CNTNAP2: variants seen among roughly 807,000 people sequenced by gnomAD.
CNTNAP2 encodes contactin associated protein 2, also known as contactin-associated protein-like 2.
Under a neutral mutation model 155.2 loss-of-function variants are expected in CNTNAP2, and 98 were observed. The ratio of observed to expected loss-of-function variants is 0.63; its 90% CI spans 0.54 to 0.75. The LOEUF (loss-of-function observed/expected upper bound fraction) is 0.75, where lower values mean the gene tolerates loss of function less well. Ranked by LOEUF, CNTNAP2 falls within the 30% of genes least tolerant of loss-of-function variation. The pLI is 0.00. For synonymous variants in CNTNAP2, 651 were observed against 631.2 expected (o/e 1.03, Z -0.47); for missense variants, 1,727 against 1,688.1 (o/e 1.02, Z -0.40).
At chr7:146,631,555 C>T (rs1799511586) in intron 1 of CNTNAP2, among the ~76,000 whole-genome samples, 1 of 152,132 alleles carries the variant, frequency 6.6e-6, no homozygotes, top group Admixed American at 6.5e-5. Flanking sequence ...CAAATGACCC[C>T]AGGTTCTTCA....
At chr7:147,268,079 A>G (rs2116698696) in intron 8 of CNTNAP2, among the ~76,000 whole-genome samples, 1 of 152,300 alleles carries the variant, frequency 6.6e-6, no homozygotes, top group South Asian at 2.1e-4. Flanking sequence ...ATTCACCTTA[A>G]TAAGAAAGGT....
intron 3 of CNTNAP2, among the ~76,000 whole-genome samples, chr7:146,860,813 A>G (rs1252702460): frequency 2.0e-5 from 3 of 151,958 alleles, no homozygotes; most frequent in African/African-American, 7.2e-5. Context: ...TATGTATACC[A>G]GGGTCTTAAG....
At chr7:147,469,666 C>CGCCACCGAGTAGCTGGGACTACAGGCGCG (rs1798181817) in intron 10 of CNTNAP2, among the ~76,000 whole-genome samples, 1 of 150,708 alleles carries the variant, frequency 6.6e-6, no homozygotes, top group Non-Finnish European at 1.5e-5. Context: ...CTACAGGCGC[C>CGCCACCGAGTAGCTGGGACTACAGGCGCG]CGCCACCACG....
intron 1 of CNTNAP2, among the ~76,000 whole-genome samples, chr7:146,508,959 A>G (rs796632904): frequency 3.0e-4 from 45 of 151,242 alleles, no homozygotes; most frequent in African/African-American, 1.1e-3. Flanking sequence ...TATGGCATAG[A>G]CTCCTCTGCT....
intron 1 of CNTNAP2, among the ~76,000 whole-genome samples, chr7:146,308,430 G>A (rs1190697564): frequency 6.6e-6 from 1 of 152,004 alleles, no homozygotes; most frequent in East Asian, 1.9e-4. Flanking sequence ...CGATTCCTCA[G>A]GGATCTAGAA....
At chr7:147,279,560 G>A (rs1304193528) in intron 8 of CNTNAP2, among the ~76,000 whole-genome samples, 1 of 151,570 alleles carries the variant, frequency 6.6e-6, no homozygotes, top group African/African-American at 2.4e-5. Context: ...TCATTGTCTT[G>A]ACATAGTAAG....
chr7:146,225,197 GA>G lies in CNTNAP2; in HGVS notation c.97+108231del, dbSNP rs554875853. ...AGCAGTGAAACAAACTGAACAAGCA[GA>G]AAAAAATATAACTCGAAACACTGAT... On this transcript the variant is annotated intron_variant, in intron 1 of 23. Coordinates refer to ENST00000361727, the MANE Select transcript of CNTNAP2 (RefSeq NM_014141.6). 5.5e-3 allele frequency among the ~76,000 whole-genome samples: 831 copies of G among 151,980 alleles called. 5 individuals are homozygous for G. The highest frequency in any genetic ancestry group is 0.019 in the African/African-American group (792 of 41,452).
chr7:146,814,099 A>T (rs1202733813), intron 2 of CNTNAP2, among the ~76,000 whole-genome samples: 1 of 152,206 alleles, frequency 6.6e-6, no homozygotes, highest in Non-Finnish European at 1.5e-5. Context: ...TAGCAGCATA[A>T]GAACTGACTA....
chr7:147,785,893 G>A (rs1322864253), intron 13 of CNTNAP2, among the ~76,000 whole-genome samples: 1 of 152,142 alleles, frequency 6.6e-6, no homozygotes. Context: ...TTGGAAGGCT[G>A]AGGCAGGAGA....
At chr7:148,325,410 CT>C (rs974846402) in intron 21 of CNTNAP2, among the ~76,000 whole-genome samples, 1 of 152,204 alleles carries the variant, frequency 6.6e-6, no homozygotes, top group Non-Finnish European at 1.5e-5. Flanking sequence ...GTTTGTCTAA[CT>C]TAAGAACGTG....
At chr7:148,169,758 G>A (rs1006226102) in intron 17 of CNTNAP2, among the ~76,000 whole-genome samples, 5 of 152,180 alleles carry the variant, frequency 3.3e-5, no homozygotes, top group Admixed American at 6.5e-5. Flanking sequence ...TCAGGAGTTC[G>A]AGACCAGCCT....
intron 1 of CNTNAP2, among the ~76,000 whole-genome samples, chr7:146,224,323 A>C (rs1799255984): frequency 6.6e-6 from 1 of 152,104 alleles, no homozygotes; most frequent in Non-Finnish European, 1.5e-5. Context: ...ATAAGATGTT[A>C]TAATTGACGG....
At chr7:146,324,462 C>T (rs1801062290) in intron 1 of CNTNAP2, among the ~76,000 whole-genome samples, 1 of 151,998 alleles carries the variant, frequency 6.6e-6, no homozygotes, top group Non-Finnish European at 1.5e-5. Flanking sequence ...CAAAAGCTTC[C>T]CCTGTGTCTC....
chr7:148,250,883 T>G (rs1210840922), intron 20 of CNTNAP2, among the ~76,000 whole-genome samples: 2 of 152,224 alleles, frequency 1.3e-5, no homozygotes, highest in Non-Finnish European at 2.9e-5. Context: ...AGTCTCACTC[T>G]GTCATGCAGA....
At chr7:146,451,631 G>A (rs1796481770) in intron 1 of CNTNAP2, among the ~76,000 whole-genome samples, 1 of 152,008 alleles carries the variant, frequency 6.6e-6, no homozygotes, top group Admixed American at 6.6e-5. Flanking sequence ...GCGTTGCACA[G>A]ATTATAAGCC....
At chr7:148,080,619 A>G (rs546545716) in intron 15 of CNTNAP2, among the ~76,000 whole-genome samples, 187 of 150,308 alleles carry the variant, frequency 1.2e-3, no homozygotes, top group Middle Eastern at 3.5e-3. Context: ...AAAAAAAAAA[A>G]AAAAGAAAAG....
intron 8 of CNTNAP2, among the ~76,000 whole-genome samples, chr7:147,183,980 G>A (rs749145199): frequency 1.3e-5 from 2 of 152,098 alleles, no homozygotes; most frequent in Admixed American, 1.3e-4. Context: ...ACATTAAGAA[G>A]AATTTGTAGG....
At position 147,626,652 on chromosome 7, in the gene CNTNAP2, C is replaced by T. The variant is rs187157912; in HGVS notation, c.1898-12454C>T. ...CAAGTTAGGGCAAGCTTAGATCCCT[C>T]CACTAATACTGCAGCTGTTGCTGTC... On this transcript the variant is annotated intron_variant, in intron 12 of 23. Transcript: ENST00000361727. Among the ~76,000 whole-genome samples the T allele has an allele frequency of 1.4e-3, 206 of 152,270 alleles. 3 individuals are homozygous for T. Among genetic ancestry groups the T allele is most frequent in the East Asian group, 1.2e-3 (6 of 5,180 alleles).
At chr7:146,812,079 G>A (rs188900096) in intron 2 of CNTNAP2, among the ~76,000 whole-genome samples, 1 of 152,110 alleles carries the variant, frequency 6.6e-6, no homozygotes, top group East Asian at 1.9e-4. Flanking sequence ...GGGTGTTGCT[G>A]TATAGATACC....
Sources: allele counts gnomAD v4.1 joint callset (sites outside exome capture counted in the v4.1 genomes callset), GRCh38; gene constraint gnomAD v4.1.1; transcripts MANE v1.5; gene names NCBI Gene and HGNC (gene_info 2026-07-23, HGNC 2026-07-21).